Variants in MICAL2 observed in about 807,000 individuals in gnomAD.
The protein encoded by MICAL2 is [F-actin]-monooxygenase MICAL2.
MICAL2 carries 77 observed loss-of-function variants against 127.3 expected under a neutral mutation model. That is an observed-to-expected ratio of 0.60 (90% CI 0.50 to 0.73). The LOEUF is 0.73. Among genes scored for constraint, MICAL2 ranks in the 30% least tolerant of loss-of-function variants. The pLI is 0.00. For missense variants in MICAL2, 1,351 were observed against 1,434.4 expected (o/e 0.94, Z 0.94); for synonymous variants, 570 against 551.1 (o/e 1.03, Z -0.48).
chr11:12,202,742 A>G (rs1222615095), intron 3 of MICAL2, among the ~76,000 whole-genome samples: 2 of 152,232 alleles, frequency 1.3e-5, no homozygotes, highest in African/African-American at 4.8e-5. Context: ...TGACATTTAC[A>G]CCAGTAGGTG....
chr11:12,128,628 T>C (rs527659845), intron 1 of MICAL2, among the ~76,000 whole-genome samples: 1 of 152,300 alleles, frequency 6.6e-6, no homozygotes, highest in East Asian at 1.9e-4. Flanking sequence ...GGGGAAAGCA[T>C]GGGTGGGAGA....
At chr11:12,262,706 G>T in intron 27 of MICAL2, 169 bp downstream of exon 27, 1 of 626,328 alleles carries the variant, frequency 1.6e-6, no homozygotes, top group Non-Finnish European at 2.8e-6. Flanking sequence ...GGGGTGTTCA[G>T]CTTGAGACCC....
rs773877747 is a variant in MICAL2 at position 12,332,033 on chromosome 11, A to G, written c.5515+4767A>G. Among the ~76,000 whole-genome samples the G allele has an allele frequency of 2.6e-5, 4 of 152,184 alleles. No homozygotes were observed. In the East Asian group the frequency reaches 5.8e-4, roughly 22 times the overall value. ...ATGCCTGATCCAAACAAGGATCTCA[A>G]TGAGGACTCATTGTTATCACTCCCA... On this transcript the variant is annotated intron_variant, in intron 32 of 34. Transcript: ENST00000646065.
intron 31 of MICAL2, chr11:12,324,149 G>T (rs932480959): frequency 1.3e-6 from 2 of 1,521,052 alleles, no homozygotes; most frequent in Non-Finnish European, 1.8e-6. Context: ...AGTTTTGGGG[G>T]TCTGCATTGT....
downstream of MICAL2, among the ~76,000 whole-genome samples, chr11:12,289,814 C>A (rs922052875): frequency 6.6e-6 from 1 of 152,150 alleles, no homozygotes; most frequent in Non-Finnish European, 1.5e-5. Flanking sequence ...AGTGATCCAT[C>A]CACCTCGGCC....
intron 1 of MICAL2, among the ~76,000 whole-genome samples, chr11:12,279,517 A>G (rs1027679116): frequency 6.6e-6 from 1 of 152,180 alleles, no homozygotes; most frequent in Non-Finnish European, 1.5e-5. Flanking sequence ...CTAAGCCTCC[A>G]CGTAGGCAGG....
At chr11:12,238,870 A>C (rs1259166771) in intron 16 of MICAL2, among the ~76,000 whole-genome samples, 1 of 152,088 alleles carries the variant, frequency 6.6e-6, no homozygotes, top group Non-Finnish European at 1.5e-5. Context: ...CTAAATTAAA[A>C]TTTTTCTTTA....
chr11:12,124,646 A>G (rs1054889495), intron 1 of MICAL2, among the ~76,000 whole-genome samples: 2 of 152,112 alleles, frequency 1.3e-5, no homozygotes, highest in Non-Finnish European at 2.9e-5. Flanking sequence ...ATGTCTAAAT[A>G]TCCTTTTTAA....
intron 9 of MICAL2, 90 bp downstream of exon 9, chr11:12,220,548 G>A (rs1349977456): frequency 6.6e-7 from 1 of 1,505,488 alleles, no homozygotes; most frequent in Non-Finnish European, 8.9e-7. Flanking sequence ...TTGTGCAGCG[G>A]GGAGAGGACA....
intron 33 of MICAL2, among the ~76,000 whole-genome samples, chr11:12,352,987 A>G (rs1237880784): frequency 6.6e-6 from 1 of 152,210 alleles, no homozygotes; most frequent in Non-Finnish European, 1.5e-5. Flanking sequence ...TTGCAGCAGC[A>G]GTGAGCTCAT....
At position 12,170,938 on chromosome 11, in the gene MICAL2, G is replaced by A. The variant is rs78117808; in HGVS notation, c.264+8519G>A. 4.5e-3 allele frequency among the ~76,000 whole-genome samples: 693 copies of A among 152,338 alleles called. 5 individuals are homozygous for A. The highest frequency in any genetic ancestry group is 0.016 in the African/African-American group (660 of 41,566). On this transcript the variant is annotated intron_variant, in intron 3 of 27. Coordinates refer to ENST00000683283, the MANE Select transcript of MICAL2 (RefSeq NM_001282663.2). ...GGAAGATGCACAGGGATAGAGGAGC[G>A]AACTCTGTGGCTCAAAGGGCTTCTT...
At chr11:12,305,106 A>G (rs1009019730) in intron 29 of MICAL2, among the ~76,000 whole-genome samples, 6 of 152,186 alleles carry the variant, frequency 3.9e-5, no homozygotes, top group African/African-American at 2.4e-5. Context: ...ATAATACTGT[A>G]TTAGTGCATT....
rs1004698945 is a variant in MICAL2, at chr11:12,222,757, TG to T, written c.1449+18del. 2 of 1,613,920 alleles carry T rather than the reference TG, an allele frequency of 1.2e-6. No homozygotes were observed. The highest frequency in any genetic ancestry group is 1.7e-6 in the Non-Finnish European group (2 of 1,179,994). On this transcript the variant is annotated intron_variant, in intron 11 of 27. Coordinates refer to ENST00000683283, the MANE Select transcript of MICAL2 (RefSeq NM_001282663.2). ...AGGCCCCATCAGGCAAGTCCATTGC[TG>T]GGGCTCTGTCTGAATCACTCTGCAC... is the stretch of plus-strand genomic sequence containing the variant.
chr11:12,264,049 A>T (rs1359186509), downstream of MICAL2, among the ~76,000 whole-genome samples: 1 of 152,122 alleles, frequency 6.6e-6, no homozygotes, highest in Non-Finnish European at 1.5e-5. Flanking sequence ...TGCTGGGCAT[A>T]GTGGGTGAGG....
At chr11:12,160,018 C>G (rs1854597873) in intron 2 of MICAL2, among the ~76,000 whole-genome samples, 1 of 152,188 alleles carries the variant, frequency 6.6e-6, no homozygotes, top group Non-Finnish European at 1.5e-5. Context: ...AGGACCCAGC[C>G]TGGGTAGGGC....
At chr11:12,194,177 T>A (rs1307562737) in intron 3 of MICAL2, among the ~76,000 whole-genome samples, 1 of 152,182 alleles carries the variant, frequency 6.6e-6, no homozygotes, top group African/African-American at 2.4e-5. Flanking sequence ...GCTAGGAAAG[T>A]CTAGGTGGTG....
intron 12 of MICAL2, 103 bp downstream of exon 12, chr11:12,223,604 C>A: frequency 3.0e-6 from 3 of 1,005,554 alleles, no homozygotes; most frequent in Non-Finnish European, 4.7e-6. Context: ...ACCAGCCTGG[C>A]TCTGCCCCTT....
intron 3 of MICAL2, among the ~76,000 whole-genome samples, chr11:12,168,282 TACAC>T (rs1205302405): frequency 1.4e-5 from 2 of 145,980 alleles, no homozygotes; most frequent in East Asian, 2.0e-4. Flanking sequence ...ACCACACACA[TACAC>T]ACACGCCACA....
chr11:12,263,143 C>A (rs1353217640), intron 27 of MICAL2: 1 of 152,366 alleles, frequency 6.6e-6, no homozygotes, highest in Non-Finnish European at 1.5e-5. Flanking sequence ...GCACTGTAGA[C>A]CCAAGGGTTT....
Sources: gnomAD v4.1 joint callset for allele counts (sites outside exome capture counted in the v4.1 genomes callset) on GRCh38, gnomAD v4.1.1 for gene constraint, MANE v1.5 for transcripts, NCBI Gene and HGNC (gene_info 2026-07-23, HGNC 2026-07-21) for gene names.